The following STPG2 variants were observed in gnomAD, a reference collection of about 807,000 sequenced individuals.
The protein encoded by STPG2 is sperm-tail PG-rich repeat-containing protein 2.
A neutral mutation model predicts 54.2 loss-of-function variants in STPG2; 56 were observed. The observed-to-expected ratio is 1.03, with a 90% CI of 0.83 to 1.29. The LOEUF is 1.29. Among genes scored for constraint, STPG2 ranks in the 50% most tolerant of loss-of-function variants. The pLI is 0.00. For missense variants in STPG2, 596 were observed against 544.9 expected (o/e 1.09, Z -0.93); for synonymous variants, 200 against 181.8 (o/e 1.10, Z -0.81).
At chr4:97,933,674 A>T (rs1732635721) in intron 8 of STPG2, among the ~76,000 whole-genome samples, 1 of 152,094 alleles carries the variant, frequency 6.6e-6, no homozygotes, top group Non-Finnish European at 1.5e-5. Flanking sequence ...AGATGGTTGT[A>T]GATATGTGGT....
intron 9 of STPG2, among the ~76,000 whole-genome samples, chr4:97,796,647 T>G (rs1727192811): frequency 6.6e-6 from 1 of 152,204 alleles, no homozygotes; most frequent in Non-Finnish European, 1.5e-5. Flanking sequence ...TGCCTCCAGC[T>G]TTGTTCTTTT....
chr4:97,790,335 C>A (rs1275309046), intron 9 of STPG2, among the ~76,000 whole-genome samples: 3 of 152,228 alleles, frequency 2.0e-5, no homozygotes, highest in African/African-American at 7.2e-5. Context: ...TAAGAAATTA[C>A]CACAAATTTG....
At chr4:97,903,898 A>C (rs1463691661) in intron 8 of STPG2, among the ~76,000 whole-genome samples, 5 of 152,244 alleles carry the variant, frequency 3.3e-5, no homozygotes, top group Admixed American at 6.5e-5. Flanking sequence ...CAACGGGCTT[A>C]AAAAATGGCG....
chr4:97,989,635 A>G (rs11939759), intron 5 of STPG2, among the ~76,000 whole-genome samples: 1 of 152,166 alleles, frequency 6.6e-6, no homozygotes, highest in Non-Finnish European at 1.5e-5. Context: ...AATAACTTTC[A>G]CCTTTCCAAA....
intron 9 of STPG2, among the ~76,000 whole-genome samples, chr4:97,743,154 G>T (rs890825039): frequency 2.6e-5 from 4 of 151,666 alleles, no homozygotes; most frequent in African/African-American, 9.7e-5. Context: ...TTCCTCTTAA[G>T]GTATACATCA....
chr4:98,071,613 C>G (rs868814956), intron 5 of STPG2, among the ~76,000 whole-genome samples: 4 of 152,122 alleles, frequency 2.6e-5, no homozygotes, highest in Non-Finnish European at 5.9e-5. Context: ...AAACTATCAT[C>G]AGAGTGAATA....
intron 8 of STPG2, among the ~76,000 whole-genome samples, chr4:97,884,336 A>G (rs1730484804): frequency 6.6e-6 from 1 of 152,188 alleles, no homozygotes; most frequent in African/African-American, 2.4e-5. Flanking sequence ...ATATTTGCAG[A>G]TCAGGCATTT....
At chr4:98,123,783 T>A in intron 3 of STPG2, among the ~76,000 whole-genome samples, 1 of 152,190 alleles carries the variant, frequency 6.6e-6, no homozygotes. Context: ...GCTAGTGAGA[T>A]GTCAAAGTCT....
intron 9 of STPG2, among the ~76,000 whole-genome samples, chr4:97,810,186 C>A (rs959608054): frequency 5.9e-5 from 9 of 152,128 alleles, no homozygotes; most frequent in African/African-American, 2.2e-4. Context: ...TGAAAGCAAG[C>A]CGGGCAGGGT....
At chr4:97,853,263 G>A (rs1181075569) in intron 8 of STPG2, among the ~76,000 whole-genome samples, 7 of 151,668 alleles carry the variant, frequency 4.6e-5, no homozygotes, top group South Asian at 2.1e-4. Context: ...ACCGCGCCCC[G>A]CCAAATAAAT....
At chr4:98,119,503 T>C (rs892380572) in intron 3 of STPG2, among the ~76,000 whole-genome samples, 1 of 152,158 alleles carries the variant, frequency 6.6e-6, no homozygotes, top group Non-Finnish European at 1.5e-5. Flanking sequence ...AAAAATCTTT[T>C]TTTCTATAAA....
At chr4:98,025,733 A>G in intron 5 of STPG2, 2 of 1,537,186 alleles carry the variant, frequency 1.3e-6, no homozygotes, top group Non-Finnish European at 1.8e-6. Context: ...TGGCATGGAC[A>G]AGATCTATGA....
chr4:97,804,404 G>A (rs1046704189), intron 9 of STPG2, among the ~76,000 whole-genome samples: 1 of 151,842 alleles, frequency 6.6e-6, no homozygotes, highest in African/African-American at 2.4e-5. Context: ...GTGTGTGTTT[G>A]TGTCTTAGTT....
chr4:97,802,471 G>GTTAAT (rs1165846492), intron 9 of STPG2, among the ~76,000 whole-genome samples: 2 of 151,918 alleles, frequency 1.3e-5, no homozygotes, highest in African/African-American at 4.8e-5. Context: ...TATATATGAA[G>GTTAAT]TTAAATATAT....
At chr4:97,896,875 T>C (rs1578664935) in intron 8 of STPG2, among the ~76,000 whole-genome samples, 1 of 151,816 alleles carries the variant, frequency 6.6e-6, no homozygotes, top group African/African-American at 2.4e-5. Flanking sequence ...GGGAAGACTA[T>C]ATAAACTTAT....
At chr4:97,931,128 A>G (rs1047678574) in intron 8 of STPG2, among the ~76,000 whole-genome samples, 3 of 152,230 alleles carry the variant, frequency 2.0e-5, no homozygotes, top group Non-Finnish European at 4.4e-5. Context: ...GTCATCTGCA[A>G]ACAGATATAG....
intron 10 of STPG2, among the ~76,000 whole-genome samples, chr4:97,686,230 TTTTC>T (rs1224892839): frequency 1.4e-5 from 2 of 146,640 alleles, no homozygotes; most frequent in Non-Finnish European, 3.0e-5. Context: ...CTCCTTTCCT[TTTTC>T]TTTTTCTTTT....
chr4:97,767,623 G>A (rs1440144579), intron 9 of STPG2, among the ~76,000 whole-genome samples: 1 of 152,074 alleles, frequency 6.6e-6, no homozygotes, highest in Non-Finnish European at 1.5e-5. Context: ...AATTTTGGAA[G>A]CAATTTTTAA....
intron 8 of STPG2, among the ~76,000 whole-genome samples, chr4:97,936,080 T>C (rs1732736184): frequency 6.6e-6 from 1 of 152,198 alleles, no homozygotes; most frequent in African/African-American, 2.4e-5. Context: ...GGTGCATATA[T>C]ATTTAGGATA....
Sources: allele counts gnomAD v4.1 joint callset (sites outside exome capture counted in the v4.1 genomes callset), GRCh38; gene constraint gnomAD v4.1.1; transcripts MANE v1.5; gene names NCBI Gene and HGNC (gene_info 2026-07-23, HGNC 2026-07-21).